Variants in TMEM132D observed in about 807,000 individuals in gnomAD.
The protein encoded by TMEM132D is mature OL transmembrane protein.
A neutral mutation model predicts 62.3 loss-of-function variants in TMEM132D; 21 were observed. The ratio of observed to expected loss-of-function variants is 0.34; its 90% CI spans 0.24 to 0.49. The LOEUF (loss-of-function observed/expected upper bound fraction) is 0.49. Ranked by LOEUF, TMEM132D falls within the 20% of genes least tolerant of loss-of-function variation. TMEM132D has a pLI of 0.99. For synonymous variants in TMEM132D, 621 were observed against 575.6 expected (o/e 1.08, Z -1.13); for missense variants, 1,346 against 1,402.8 (o/e 0.96, Z 0.65).
chr12:129,410,519 C>T (rs187010115), intron 3 of TMEM132D, among the ~76,000 whole-genome samples: 3 of 151,752 alleles, frequency 2.0e-5, no homozygotes, highest in Admixed American at 6.6e-5. Context: ...ACCACCAAAC[C>T]CAGCTAATTT....
At chr12:129,450,798 C>A (rs1013229546) in intron 3 of TMEM132D, among the ~76,000 whole-genome samples, 1 of 145,572 alleles carries the variant, frequency 6.9e-6, no homozygotes, top group African/African-American at 2.6e-5. Context: ...ACTCTGTCGC[C>A]CAGGCTGGAG....
At chr12:129,157,304 G>C (rs1448455972) in intron 5 of TMEM132D, among the ~76,000 whole-genome samples, 1 of 152,250 alleles carries the variant, frequency 6.6e-6, no homozygotes, top group Non-Finnish European at 1.5e-5. Flanking sequence ...CAACATTGGT[G>C]CATTGGCTAT....
intron 2 of TMEM132D, among the ~76,000 whole-genome samples, chr12:129,652,402 T>G (rs1879953541): frequency 6.6e-6 from 1 of 152,196 alleles, no homozygotes; most frequent in Non-Finnish European, 1.5e-5. Flanking sequence ...GCGAATGTAT[T>G]ATGTTACCTG....
At chr12:129,113,112 G>A (rs1875776321) in intron 5 of TMEM132D, 1 of 152,180 alleles carries the variant, frequency 6.6e-6, no homozygotes, top group Non-Finnish European at 1.5e-5. Context: ...GAGTATCATG[G>A]AACTGAACTT....
chr12:129,206,124 G>C (rs1001553747), intron 5 of TMEM132D, among the ~76,000 whole-genome samples: 2 of 152,264 alleles, frequency 1.3e-5, no homozygotes, highest in East Asian at 3.9e-4. Context: ...AAAGTTAAGA[G>C]CATCTGCAGA....
intron 8 of TMEM132D, among the ~76,000 whole-genome samples, chr12:129,075,331 T>TTTTC (rs1397939911): frequency 1.3e-5 from 2 of 151,550 alleles, no homozygotes; most frequent in African/African-American, 4.9e-5. Flanking sequence ...TTTTTTTTTT[T>TTTTC]CTCCTGTAGG....
intron 5 of TMEM132D, among the ~76,000 whole-genome samples, chr12:129,123,400 G>C (rs1304679073): frequency 3.3e-5 from 5 of 151,440 alleles, no homozygotes; most frequent in Non-Finnish European, 7.4e-5. Context: ...TCTTAGACAC[G>C]TGCCCCCAGG....
chr12:129,150,949 G>C (rs866366314), intron 5 of TMEM132D, among the ~76,000 whole-genome samples: 1 of 152,168 alleles, frequency 6.6e-6, no homozygotes, highest in African/African-American at 2.4e-5. Flanking sequence ...GGCTGGTGGT[G>C]GCCAGGCCTG....
chr12:129,656,997 T>C (rs1880102392), intron 2 of TMEM132D, among the ~76,000 whole-genome samples: 1 of 152,190 alleles, frequency 6.6e-6, no homozygotes, highest in East Asian at 1.9e-4. Flanking sequence ...GATTTGTAAA[T>C]ATCTACTGTC....
Position 129,131,911 on chromosome 12 carries a change from C to T in TMEM132D, c.1444-47209G>A, listed in dbSNP as rs546373332. ...AAATATTTCCTTAATATTTTCCAAA[C>T]TTTTATAGGAGACCACAGGGTAAAC... On this transcript the variant is annotated intron_variant, in intron 5 of 8. Transcript: ENST00000422113. Among the ~76,000 whole-genome samples the T allele has an allele frequency of 4.6e-5, 7 of 152,224 alleles. No individual in the cohort carries two copies. The East Asian group carries it at 1.4e-3, about 29-fold the overall frequency.
At chr12:129,787,731 G>A (rs761071218) in intron 1 of TMEM132D, among the ~76,000 whole-genome samples, 46 of 152,272 alleles carry the variant, frequency 3.0e-4, no homozygotes, top group Non-Finnish European at 5.6e-4. Context: ...AGAGCTGAAC[G>A]AAGTAGAGGC....
At chr12:129,199,668 G>A (rs1234888915) in intron 5 of TMEM132D, among the ~76,000 whole-genome samples, 1 of 152,156 alleles carries the variant, frequency 6.6e-6, no homozygotes, top group Non-Finnish European at 1.5e-5. Context: ...CACATGGCTG[G>A]GAGGTCTCAC....
chr12:129,727,204 G>A (rs78977514), intron 1 of TMEM132D, among the ~76,000 whole-genome samples: 4,440 of 152,268 alleles, frequency 0.029, 88 homozygotes, highest in Non-Finnish European at 0.041. Context: ...ACCATACACT[G>A]GGAATCTGTA....
At chr12:129,195,643 A>G (rs924313393) in intron 5 of TMEM132D, among the ~76,000 whole-genome samples, 2 of 152,180 alleles carry the variant, frequency 1.3e-5, no homozygotes, top group African/African-American at 4.8e-5. Flanking sequence ...TGAAATTAAG[A>G]ACATAGCTGA....
rs145977113 is a variant in TMEM132D at position 129,807,817 on chromosome 12, T to G, written c.79+95444A>C. On this transcript the variant is annotated intron_variant, in intron 1 of 8. Coordinates refer to ENST00000422113, the MANE Select transcript of TMEM132D (RefSeq NM_133448.3). ...AATAGCCATTCACGTCCAGCCACCCTCCATGATTCCATTTCTACTCCTCTT... is the reference window on the plus strand; with the variant it reads ...AATAGCCATTCACGTCCAGCCACCCGCCATGATTCCATTTCTACTCCTCTT... 4.8e-4 allele frequency among the ~76,000 whole-genome samples: 73 copies of G among 152,308 alleles called. 1 individual carries two copies. In the South Asian group the frequency reaches 0.015, roughly 31 times the overall value.
At chr12:129,869,135 C>T (rs1566014352) in intron 1 of TMEM132D, among the ~76,000 whole-genome samples, 1 of 151,796 alleles carries the variant, frequency 6.6e-6, no homozygotes, top group Admixed American at 6.6e-5. Flanking sequence ...CCCCATTATA[C>T]ATTGTCTTAT....
At chr12:129,176,435 T>A (rs1375076383) in intron 5 of TMEM132D, among the ~76,000 whole-genome samples, 2 of 152,254 alleles carry the variant, frequency 1.3e-5, no homozygotes, top group Admixed American at 6.5e-5. Flanking sequence ...TGCCATAGGC[T>A]GTTGTTGGGA....
At chr12:129,741,180 T>C (rs540109831) in intron 1 of TMEM132D, among the ~76,000 whole-genome samples, 3 of 152,334 alleles carry the variant, frequency 2.0e-5, no homozygotes, top group South Asian at 4.1e-4. Context: ...TGTAGCAGGA[T>C]ACCATTTTTG....
chr12:129,169,760 T>C (rs1877668640), intron 5 of TMEM132D, among the ~76,000 whole-genome samples: 1 of 152,200 alleles, frequency 6.6e-6, no homozygotes, highest in African/African-American at 2.4e-5. Context: ...AGGGGCCATC[T>C]CATGCTTTGA....
Sources: allele counts gnomAD v4.1 joint callset (sites outside exome capture counted in the v4.1 genomes callset), GRCh38; gene constraint gnomAD v4.1.1; transcripts MANE v1.5; gene names NCBI Gene and HGNC (gene_info 2026-07-23, HGNC 2026-07-21).